The following LIN7C variants were observed in gnomAD, a reference collection of about 807,000 sequenced individuals.
LIN7C encodes the protein lin-7 cell polarity scaffold C.
In LIN7C, 17 loss-of-function variants were observed where a neutral mutation model predicts 24.7. The ratio of observed to expected loss-of-function variants is 0.69; its 90% CI spans 0.47 to 1.03. LIN7C has a LOEUF of 1.03. Among genes scored for constraint, LIN7C ranks in the 50% least tolerant of loss-of-function variants. LIN7C has a pLI of 0.00. For missense variants in LIN7C, 204 were observed against 239.0 expected, an observed-to-expected ratio of 0.85 and a Z score of 0.97; for synonymous variants, 90 against 83.4, an observed-to-expected ratio of 1.08 and a Z score of -0.43.
intron 4 of LIN7C, 26 bp from the exon 5 acceptor site, chr11:27,498,830 A>G (rs1244998251): frequency 6.3e-7 from 1 of 1,593,248 alleles, no homozygotes; most frequent in Admixed American, 1.8e-5. Flanking sequence ...ACAACCAACC[A>G]TACACTAATA....
At chr11:27,503,170 T>C (rs541938201) in intron 1 of LIN7C, among the ~76,000 whole-genome samples, 1 of 152,016 alleles carries the variant, frequency 6.6e-6, no homozygotes, top group South Asian at 2.1e-4. Context: ...CCCTAAGAGG[T>C]TGTATACATT....
intron 3 of LIN7C, 32 bp from the exon 4 acceptor site, chr11:27,499,600 A>C: frequency 5.1e-6 from 8 of 1,555,164 alleles, no homozygotes; most frequent in Non-Finnish European, 7.1e-6. Flanking sequence ...TAAAAATATG[A>C]CTTTTATTTA....
rs7934816 is a variant in LIN7C at position 27,497,373 on chromosome 11, A to G, written c.*1276T>C. 0.068 allele frequency: 10,424 copies of G among 152,598 alleles called. 706 individuals carry two copies. Among genetic ancestry groups the G allele is most frequent in the East Asian group, 0.23 (1,180 of 5,172 alleles). The allele number at this position is 152,598 out of a possible 1,614,324, so 9.5% of individuals were successfully genotyped here. On this transcript the variant is annotated 3_prime_UTR_variant, in exon 5 of 5. Transcript: ENST00000278193. Reference sequence around the variant, plus strand: ...AAGTACAAATGTTCCTGTAAGTTGTAACAGAAAATGAACCCCAACTCTTTC... The same window carrying G: ...AAGTACAAATGTTCCTGTAAGTTGTGACAGAAAATGAACCCCAACTCTTTC...
At chr11:27,506,515 G>C (rs1565115614) in intron 1 of LIN7C, among the ~76,000 whole-genome samples, 1 of 152,204 alleles carries the variant, frequency 6.6e-6, no homozygotes, top group Non-Finnish European at 1.5e-5. Context: ...CGTGTGAACA[G>C]AGGAGGGCTT....
At position 27,499,503 on chromosome 11, in the gene LIN7C, T is replaced by A; in HGVS notation, c.294A>T (p.Lys98Asn). 1 of 1,614,190 alleles carries A rather than the reference T, an allele frequency of 6.2e-7. No homozygotes were observed. The highest frequency in any genetic ancestry group is 8.5e-7 in the Non-Finnish European group (1 of 1,180,032). The change falls in exon 4 of 5, where the codon AAA becomes AAT. Residue 98 changes from lysine (K) to asparagine (N), a missense_variant. By Grantham distance (94) the Lys-to-Asn change is moderately conservative (BLOSUM62 0). Transcript: ENST00000278193. ...TATTGAATCCAAGGCCCTCTTCTGT[T>A]TTTGGTAGCTCAACAACTCGAGGAT... Reference protein sequence around the residue: ...HSHPRVVELPKTEEGLGFNIM... With the variant: ...HSHPRVVELPNTEEGLGFNIM...
intron 4 of LIN7C, among the ~76,000 whole-genome samples, 197 bp downstream of exon 4, chr11:27,499,162 A>T (rs1865197142): frequency 6.6e-6 from 1 of 152,220 alleles, no homozygotes; most frequent in Non-Finnish European, 1.5e-5. Flanking sequence ...CATAAAAATG[A>T]CATTAAGCAC....
Position 27,498,473 on chromosome 11 carries a change from G to A in LIN7C, c.*176C>T, listed in dbSNP as rs1379116455. On this transcript the variant is annotated 3_prime_UTR_variant, in exon 5 of 5. Coordinates refer to ENST00000278193, the MANE Select transcript of LIN7C (RefSeq NM_018362.4). Reference sequence around the variant, plus strand: ...TTACTTTTTCTTGTCAGAAAAAAGTGTATGCATCTCTGGAACCATAAATGA... The same window carrying A: ...TTACTTTTTCTTGTCAGAAAAAAGTATATGCATCTCTGGAACCATAAATGA... 3 of 583,128 alleles carry A rather than the reference G, an allele frequency of 5.1e-6. No homozygotes were observed. Among genetic ancestry groups the A allele is most frequent in the Non-Finnish European group, 8.6e-6 (3 of 347,972 alleles). 36.1% of individuals were successfully genotyped at this position (583,128 alleles called of 1,614,324 possible). A position where few individuals can be genotyped will look rare whatever the true frequency, so the allele number is the denominator to read the frequency against.
At chr11:27,500,776 C>G in intron 3 of LIN7C, among the ~76,000 whole-genome samples, 1 of 152,164 alleles carries the variant, frequency 6.6e-6, no homozygotes, top group Admixed American at 6.5e-5. Flanking sequence ...ACTCACACAA[C>G]TCAGCAATTA....
At chr11:27,505,049 C>G (rs1250866442) in intron 1 of LIN7C, among the ~76,000 whole-genome samples, 4 of 152,174 alleles carry the variant, frequency 2.6e-5, no homozygotes, top group African/African-American at 9.7e-5. Context: ...AATACAAAGA[C>G]CGGCCGGGTG....
In LIN7C at chr11:27,495,759, A is replaced by G. The variant is rs1249745625; in HGVS notation, c.*2890T>C. 6.6e-6 allele frequency: 1 copy of G among 152,064 alleles called. No homozygotes were observed. The highest frequency in any genetic ancestry group is 1.5e-5 in the Non-Finnish European group (1 of 68,012). 9.4% of individuals were successfully genotyped at this position (152,064 alleles called of 1,614,324 possible). A position where few individuals can be genotyped will look rare whatever the true frequency, so the allele number is the denominator to read the frequency against. Reference sequence around the variant, plus strand: ...TTATTAAAAAAAAGAAAAAAGAAAAAAAAAGATAAGACTGTAATTACTTCC... The same window carrying G: ...TTATTAAAAAAAAGAAAAAAGAAAAGAAAAGATAAGACTGTAATTACTTCC... On this transcript the variant is annotated 3_prime_UTR_variant, in exon 5 of 5. Coordinates refer to ENST00000278193, the MANE Select transcript of LIN7C (RefSeq NM_018362.4).
intron 3 of LIN7C, 28 bp from the exon 4 acceptor site, chr11:27,499,596 T>C (rs746772013): frequency 8.2e-6 from 13 of 1,580,596 alleles, no homozygotes; most frequent in African/African-American, 1.4e-5. Context: ...ATATTAAAAA[T>C]ATGACTTTTA....
At chr11:27,503,551 T>C (rs904179368) in intron 1 of LIN7C, among the ~76,000 whole-genome samples, 2 of 152,230 alleles carry the variant, frequency 1.3e-5, no homozygotes, top group African/African-American at 4.8e-5. Flanking sequence ...TCTCACTCTG[T>C]TGCCCAGGCT....
At chr11:27,502,386 C>T (rs1202002656) in intron 1 of LIN7C, among the ~76,000 whole-genome samples, 2 of 152,134 alleles carry the variant, frequency 1.3e-5, no homozygotes, top group Non-Finnish European at 2.9e-5. Flanking sequence ...AGTAAAATCA[C>T]TGGTCATTCC....
rs1865226317 is a variant in LIN7C, at chr11:27,501,543, A to G, written c.180T>C (p.Thr60=). Residue 60 remains threonine, a synonymous_variant, in exon 3 of 5, where the codon ACT becomes ACC. Transcript: ENST00000278193. ...CTTCAGGACTGCTACTGATGTCCAC[A>G]GTCTCATAGACATGTTCATATACCT... The part of the protein sequence containing the change: ...VREVYEHVYE[T]VDISSSPEVR... 6.2e-7 allele frequency: 1 copy of G among 1,603,890 alleles called. No individual in the cohort carries two copies. Among genetic ancestry groups the G allele is most frequent in the East Asian group, 2.2e-5 (1 of 44,750 alleles).
Position 27,497,043 on chromosome 11 carries a change from T to C in LIN7C, c.*1606A>G, listed in dbSNP as rs1865178017. 1 of 152,596 alleles carries C rather than the reference T, an allele frequency of 6.6e-6. No homozygotes were observed. The highest frequency in any genetic ancestry group is 2.1e-4 in the South Asian group (1 of 4,834). The allele number at this position is 152,596 out of a possible 1,614,324, so 9.5% of individuals were successfully genotyped here. ...TTTGAAAATTTACAATTTAACAACA[T>C]GATCCTATCAATAACAAGCACATTT... On this transcript the variant is annotated 3_prime_UTR_variant, in exon 5 of 5. Transcript: ENST00000278193.
intron 1 of LIN7C, among the ~76,000 whole-genome samples, chr11:27,504,273 A>C (rs1865252025): frequency 6.6e-6 from 1 of 152,244 alleles, no homozygotes; most frequent in South Asian, 2.1e-4. Flanking sequence ...TTGATTTATA[A>C]AGTTATAATA....
intron 3 of LIN7C, 84 bp from the exon 4 acceptor site, chr11:27,499,652 T>A: frequency 1.6e-6 from 2 of 1,218,418 alleles, no homozygotes; most frequent in Non-Finnish European, 2.3e-6. Flanking sequence ...AGATGGAGTC[T>A]CGCTCTGTCG....
intron 1 of LIN7C, among the ~76,000 whole-genome samples, chr11:27,505,366 C>T (rs1590445243): frequency 6.6e-6 from 1 of 152,128 alleles, no homozygotes; most frequent in South Asian, 2.1e-4. Flanking sequence ...AAGACCAATA[C>T]GTTAGAATCT....
intron 1 of LIN7C, 112 bp downstream of exon 1, chr11:27,506,604 A>T: frequency 7.9e-7 from 1 of 1,267,640 alleles, no homozygotes; most frequent in Admixed American, 1.8e-5. Flanking sequence ...GCGCCGGCAC[A>T]AGGGACAGCG....
Sources: allele counts gnomAD v4.1 joint callset (sites outside exome capture counted in the v4.1 genomes callset), GRCh38; gene constraint gnomAD v4.1.1; transcripts MANE v1.5; gene names NCBI Gene and HGNC (gene_info 2026-07-23, HGNC 2026-07-21).